The following MAP3K15 variants were observed in gnomAD, a reference collection of about 807,000 sequenced individuals.
MAP3K15 encodes the protein MAPK/ERK kinase kinase 15.
Under a neutral mutation model 99.5 loss-of-function variants are expected in MAP3K15, and 124 were observed. The observed-to-expected ratio is 1.25, with a 90% confidence interval of 1.08 to 1.45. MAP3K15 has a LOEUF of 1.45. MAP3K15 is among the 40% of genes most tolerant of loss of function. The pLI, the probability that MAP3K15 is intolerant of heterozygous loss-of-function variation, is 0.00. For missense variants in MAP3K15, 1,242 were observed against 1,079.7 expected (o/e 1.15, Z -2.11); for synonymous variants, 494 against 439.6 (o/e 1.12, Z -1.55).
At chrX:19,500,333 A>G (rs2064433079) in intron 1 of MAP3K15, among the ~76,000 whole-genome samples, 1 of 112,173 alleles carries the variant, frequency 8.9e-6, no homozygotes, top group Non-Finnish European at 1.9e-5. Flanking sequence ...TGAGAACAGC[A>G]GGATGTTAAT....
chrX:19,377,292 G>A (rs944688396), intron 19 of MAP3K15, among the ~76,000 whole-genome samples: 2 of 112,343 alleles, frequency 1.8e-5, no homozygotes, highest in African/African-American at 3.2e-5. Flanking sequence ...GGTGGCTCTC[G>A]CCTGTTATCC....
intron 7 of MAP3K15, among the ~76,000 whole-genome samples, chrX:19,430,111 C>T (rs954491152): frequency 8.9e-6 from 1 of 112,225 alleles, no homozygotes; most frequent in Admixed American, 9.4e-5. Flanking sequence ...CTTTGCTATT[C>T]CTCCTAGCCA....
At chrX:19,467,293 G>A (rs767445205) in intron 3 of MAP3K15, among the ~76,000 whole-genome samples, 10 of 111,089 alleles carry the variant, frequency 9.0e-5, no homozygotes, top group Non-Finnish European at 1.9e-4. Context: ...AGACAAAAGG[G>A]CTCCCTCTTG....
At position 19,360,835 on chromosome X, in the gene MAP3K15, T is replaced by TG; in HGVS notation, c.3858-3dup. On this transcript the variant is annotated splice_region_variant and splice_polypyrimidine_tract_variant and intron_variant, in intron 28 of 28. Coordinates refer to ENST00000338883, the MANE Select transcript of MAP3K15 (RefSeq NM_001001671.4). ...CAGAGTCTGCAGAGGAGACCACCCC[T>TG]GGGAAACAAACACAGCTGTCTTCAG... is the stretch of plus-strand genomic sequence containing the variant. The TG allele has an allele frequency of 8.4e-7, 1 of 1,194,720 alleles. No homozygotes were observed. Among genetic ancestry groups the TG allele is most frequent in the Non-Finnish European group, 1.1e-6 (1 of 885,209 alleles).
chrX:19,394,297 GTTAA>G (rs760487453), intron 16 of MAP3K15, among the ~76,000 whole-genome samples: 365 of 111,330 alleles, frequency 3.3e-3, no homozygotes, highest in African/African-American at 0.011. Flanking sequence ...CTGAGACAGC[GTTAA>G]TTGTTACTCC....
intron 28 of MAP3K15, chrX:19,361,135 G>C: frequency 4.7e-6 from 2 of 427,542 alleles, no homozygotes; most frequent in South Asian, 7.5e-5. Flanking sequence ...AATGGCAGGA[G>C]ATTGGCCAGC....
chrX:19,419,595 C>T (rs1273450228), intron 9 of MAP3K15, among the ~76,000 whole-genome samples: 3 of 110,906 alleles, frequency 2.7e-5, no homozygotes, highest in African/African-American at 9.9e-5. Context: ...TAATGGGAGA[C>T]TTTAACACCC....
At chrX:19,472,823 G>A (rs190701280) in intron 3 of MAP3K15, among the ~76,000 whole-genome samples, 104 of 112,115 alleles carry the variant, frequency 9.3e-4, no homozygotes, top group African/African-American at 3.1e-3. Flanking sequence ...AAATTTTGAC[G>A]TTATTCCTTT....
chrX:19,408,856 G>A (rs774897606), intron 12 of MAP3K15, among the ~76,000 whole-genome samples: 14 of 110,646 alleles, frequency 1.3e-4, no homozygotes, highest in African/African-American at 4.0e-4. Flanking sequence ...CATTTCCCTC[G>A]TGTGGCCACA....
At chrX:19,439,642 T>C (rs990382227) in intron 6 of MAP3K15, among the ~76,000 whole-genome samples, 1 of 111,330 alleles carries the variant, frequency 9.0e-6, no homozygotes, top group African/African-American at 3.3e-5. Flanking sequence ...AATTTTTTCA[T>C]TTTTATTTTA....
At chrX:19,458,112 A>G (rs1256815321) in intron 5 of MAP3K15, among the ~76,000 whole-genome samples, 1 of 112,267 alleles carries the variant, frequency 8.9e-6, no homozygotes, top group Non-Finnish European at 1.9e-5. Flanking sequence ...AGCCATGGTC[A>G]GCAGAACAGG....
intron 3 of MAP3K15, among the ~76,000 whole-genome samples, chrX:19,479,244 C>T (rs537938764): frequency 1.8e-5 from 2 of 111,772 alleles, no homozygotes; most frequent in South Asian, 7.6e-4. Context: ...TTAGTCCCTT[C>T]TGAACTGTGT....
At chrX:19,505,747 CTT>C (rs573926654) in intron 1 of MAP3K15, among the ~76,000 whole-genome samples, 14 of 96,126 alleles carry the variant, frequency 1.5e-4, no homozygotes, top group Admixed American at 3.4e-4. Flanking sequence ...AATCTCTTTT[CTT>C]TTTTTTTTTT....
intron 12 of MAP3K15, chrX:19,408,473 C>A: frequency 1.4e-5 from 2 of 147,458 alleles, no homozygotes; most frequent in Non-Finnish European, 1.4e-5. Flanking sequence ...ACCAACATGG[C>A]AAAACCCTGA....
chrX:19,369,608 T>C (rs1293626779), intron 24 of MAP3K15, among the ~76,000 whole-genome samples: 4 of 110,118 alleles, frequency 3.6e-5, no homozygotes, highest in Non-Finnish European at 7.6e-5. Context: ...CCATCTCTAC[T>C]AAAAAATATA....
At chrX:19,390,159 A>ATT (rs1203832487) in intron 18 of MAP3K15, among the ~76,000 whole-genome samples, 1 of 111,115 alleles carries the variant, frequency 9.0e-6, no homozygotes, top group Non-Finnish European at 1.9e-5. Context: ...ATTGACAAAA[A>ATT]GTCTTTCAAA....
Position 19,490,182 on chromosome X carries a change from C to CACACAT in MAP3K15, c.362-1216_362-1215insATGTGT, listed in dbSNP as rs1555966374. Among the ~76,000 whole-genome samples the CACACAT allele has an allele frequency of 3.1e-5, 3 of 95,540 alleles. No individual in the cohort carries two copies. In the East Asian group the frequency reaches 9.0e-4, roughly 29 times the overall value. The allele number at this position is 95,540 out of a possible 115,157, so 83.0% of individuals were successfully genotyped here. A position where few individuals can be genotyped will look rare whatever the true frequency, so the allele number is the denominator to read the frequency against. On this transcript the variant is annotated intron_variant, in intron 1 of 28. Coordinates refer to ENST00000338883, the MANE Select transcript of MAP3K15 (RefSeq NM_001001671.4). ...ACACACACACACACACACACACACA[C>CACACAT]ACATACATACAAAAATTCCTTAACA... is the stretch of plus-strand genomic sequence containing the variant.
chrX:19,411,361 C>A (rs2063686061), intron 11 of MAP3K15, among the ~76,000 whole-genome samples: 1 of 111,830 alleles, frequency 8.9e-6, no homozygotes. Context: ...CAGGAACAGA[C>A]TGGGAAGATG....
intron 18 of MAP3K15, among the ~76,000 whole-genome samples, chrX:19,391,407 C>T (rs1039594504): frequency 6.3e-5 from 7 of 110,927 alleles, no homozygotes; most frequent in Admixed American, 2.9e-4. Flanking sequence ...GGCGCGGTGG[C>T]TCACATCTGT....
Sources: allele counts gnomAD v4.1 joint callset (sites outside exome capture counted in the v4.1 genomes callset), GRCh38; gene constraint gnomAD v4.1.1; transcripts MANE v1.5; gene names NCBI Gene and HGNC (gene_info 2026-07-23, HGNC 2026-07-21).